The following R3HCC1L variants were observed in gnomAD, a reference collection of about 807,000 sequenced individuals.
R3HCC1L encodes coiled-coil domain-containing protein R3HCC1L.
R3HCC1L carries 51 observed loss-of-function variants against 59.9 expected under a neutral mutation model. The observed-to-expected ratio is 0.85, with a 90% CI of 0.68 to 1.07. The LOEUF (loss-of-function observed/expected upper bound fraction) is 1.07, where lower values mean the gene tolerates loss of function less well. Ranked by LOEUF, R3HCC1L falls within the 50% of genes least tolerant of loss-of-function variation. The pLI is 0.00. For missense variants in R3HCC1L, 965 were observed against 933.0 expected, an observed-to-expected ratio of 1.03 and a Z score of -0.45; for synonymous variants, 322 against 315.2, an observed-to-expected ratio of 1.02 and a Z score of -0.23.
intron 5 of R3HCC1L, among the ~76,000 whole-genome samples, chr10:98,218,908 G>A (rs957551044): frequency 6.6e-6 from 1 of 152,042 alleles, no homozygotes; most frequent in East Asian, 1.9e-4. Flanking sequence ...TGAGTTGATC[G>A]CTTTATCATA....
At position 98,209,104 on chromosome 10, in the gene R3HCC1L, T is replaced by C. The variant is rs1293201774; in HGVS notation, c.990T>C (p.Ile330=). The change falls in exon 5 of 10, where the codon ATT becomes ATC. Residue 330 remains isoleucine, a synonymous_variant. Coordinates refer to ENST00000298999, the MANE Select transcript of R3HCC1L (RefSeq NM_001351015.2). ...ATGACACTGTTAGTCCAGTAATGATTAGAGAATGTGAGAAGAATGACAGCA... is the reference window on the plus strand; with the variant it reads ...ATGACACTGTTAGTCCAGTAATGATCAGAGAATGTGAGAAGAATGACAGCA... ...STNDTVSPVM[I]RECEKNDSTA... is the part of the protein sequence containing the mutation. 1 of 1,614,046 alleles carries C rather than the reference T, an allele frequency of 6.2e-7. No individual in the cohort carries two copies. Among genetic ancestry groups the C allele is most frequent in the Non-Finnish European group, 8.5e-7 (1 of 1,179,982 alleles).
At chr10:98,182,813 G>A (rs927637885) in intron 4 of R3HCC1L, among the ~76,000 whole-genome samples, 1 of 152,190 alleles carries the variant, frequency 6.6e-6, no homozygotes, top group Non-Finnish European at 1.5e-5. Flanking sequence ...CTAGTGGTGA[G>A]CAAGGCTCCG....
At chr10:98,181,579 G>A (rs1026246908) in intron 4 of R3HCC1L, among the ~76,000 whole-genome samples, 1 of 152,086 alleles carries the variant, frequency 6.6e-6, no homozygotes, top group Non-Finnish European at 1.5e-5. Flanking sequence ...GCTAGGTTGG[G>A]GAAGTTCTTC....
intron 4 of R3HCC1L, among the ~76,000 whole-genome samples, chr10:98,196,369 C>T (rs1028173588): frequency 2.0e-5 from 3 of 152,134 alleles, no homozygotes; most frequent in Admixed American, 6.6e-5. Flanking sequence ...ACGACAACCC[C>T]ATCTTGCTAA....
At chr10:98,157,942 C>G (rs1390614124) in intron 2 of R3HCC1L, among the ~76,000 whole-genome samples, 5 of 152,132 alleles carry the variant, frequency 3.3e-5, no homozygotes, top group African/African-American at 1.2e-4. Context: ...AGTAACTAAG[C>G]ATAGGTCTGC....
At chr10:98,136,860 A>G (rs1844639513) in intron 1 of R3HCC1L, among the ~76,000 whole-genome samples, 1 of 152,118 alleles carries the variant, frequency 6.6e-6, no homozygotes, top group Non-Finnish European at 1.5e-5. Flanking sequence ...TTTGGATTGA[A>G]TTTTTACTAA....
intron 2 of R3HCC1L, among the ~76,000 whole-genome samples, chr10:98,162,670 G>C (rs1374497778): frequency 6.8e-6 from 1 of 147,636 alleles, no homozygotes; most frequent in Non-Finnish European, 1.5e-5. Flanking sequence ...GTGTGTGTGT[G>C]TTTGTGTGTG....
intron 9 of R3HCC1L, among the ~76,000 whole-genome samples, chr10:98,242,082 C>T (rs1333217799): frequency 2.0e-5 from 3 of 152,154 alleles, no homozygotes; most frequent in Non-Finnish European, 2.9e-5. Flanking sequence ...CAGTGGCTCA[C>T]GCCTGTCATC....
chr10:98,137,126 G>C (rs546937549), intron 1 of R3HCC1L, among the ~76,000 whole-genome samples: 1 of 151,844 alleles, frequency 6.6e-6, no homozygotes, highest in Non-Finnish European at 1.5e-5. Context: ...TAGGGGAATC[G>C]CTTGAACTCG....
intron 2 of R3HCC1L, among the ~76,000 whole-genome samples, chr10:98,162,181 A>G (rs1847488706): frequency 6.6e-6 from 1 of 151,946 alleles, no homozygotes; most frequent in East Asian, 1.9e-4. Flanking sequence ...GTGTGGATGT[A>G]CCATAATTTA....
At position 98,236,005 on chromosome 10, in the gene R3HCC1L, C is replaced by A. The variant is rs749970400; in HGVS notation, c.2129-19C>A. The A allele has an allele frequency of 1.9e-6, 3 of 1,609,536 alleles. No individual in the cohort carries two copies. Among genetic ancestry groups the A allele is most frequent in the South Asian group, 1.1e-5 (1 of 90,936 alleles). The stretch of plus-strand genomic sequence containing the variant: ...TCTCTTCTTGACTCCTTCCTACTCC[C>A]TTCCTTTCTTCGATTCAGAGTTCCT... On this transcript the variant is annotated intron_variant, in intron 8 of 9. Coordinates refer to ENST00000298999, the MANE Select transcript of R3HCC1L (RefSeq NM_001351015.2).
chr10:98,199,364 C>G (rs1204896157), intron 4 of R3HCC1L, among the ~76,000 whole-genome samples: 1 of 151,992 alleles, frequency 6.6e-6, no homozygotes, highest in African/African-American at 2.4e-5. Flanking sequence ...TATCAATATT[C>G]ATTGCCTTTG....
chr10:98,138,612 T>C (rs1190317420), intron 1 of R3HCC1L, among the ~76,000 whole-genome samples: 3 of 152,232 alleles, frequency 2.0e-5, no homozygotes, highest in African/African-American at 7.2e-5. Context: ...CTAATTCTCA[T>C]CTATAGTGTG....
chr10:98,141,053 A>T (rs1002034790), intron 1 of R3HCC1L, among the ~76,000 whole-genome samples: 1 of 152,042 alleles, frequency 6.6e-6, no homozygotes, highest in Non-Finnish European at 1.5e-5. Flanking sequence ...CTAGGCATTT[A>T]CTAAAGCCCA....
intron 5 of R3HCC1L, among the ~76,000 whole-genome samples, chr10:98,221,895 G>C (rs1262592309): frequency 6.6e-6 from 1 of 152,136 alleles, no homozygotes; most frequent in Non-Finnish European, 1.5e-5. Flanking sequence ...CTTTAAAGTA[G>C]TTTTTTCCAA....
intron 4 of R3HCC1L, among the ~76,000 whole-genome samples, chr10:98,176,270 C>T (rs1260248592): frequency 6.6e-6 from 1 of 152,172 alleles, no homozygotes. Flanking sequence ...TATGCCTCTT[C>T]ATATCCATTT....
rs149943102 is a variant in R3HCC1L at position 98,167,354 on chromosome 10, C to A, written c.-15+3957C>A. The stretch of plus-strand genomic sequence containing the variant: ...TAATGTTTTCTTTGCCTGAAACTTG[C>A]TTTTGGTTTCTCAGTTTCTCACCAG... On this transcript the variant is annotated intron_variant, in intron 4 of 9. Transcript: ENST00000298999. Among the ~76,000 whole-genome samples, 615 of 152,246 alleles carry A rather than the reference C, an allele frequency of 4.0e-3. 4 individuals are homozygous for A. The highest frequency in any genetic ancestry group is 0.014 in the African/African-American group (574 of 41,532).
At chr10:98,237,763 T>G (rs1857119285) in intron 9 of R3HCC1L, among the ~76,000 whole-genome samples, 2 of 152,168 alleles carry the variant, frequency 1.3e-5, no homozygotes, top group African/African-American at 4.8e-5. Context: ...TCTGAGGAAA[T>G]GCATCTGGAA....
chr10:98,235,194 T>C (rs1436483484), intron 7 of R3HCC1L, among the ~76,000 whole-genome samples: 1 of 152,194 alleles, frequency 6.6e-6, no homozygotes, highest in Non-Finnish European at 1.5e-5. Context: ...AATAATAAAA[T>C]TACTTTGTAA....
Sources: allele counts gnomAD v4.1 joint callset (sites outside exome capture counted in the v4.1 genomes callset), GRCh38; gene constraint gnomAD v4.1.1; transcripts MANE v1.5; gene names NCBI Gene and HGNC (gene_info 2026-07-23, HGNC 2026-07-21).